SLC30A8: variants seen among roughly 807,000 people sequenced by gnomAD.
The protein encoded by SLC30A8 is solute carrier family 30 member 8, also known as proton-coupled zinc antiporter SLC30A8.
SLC30A8 carries 27 observed loss-of-function variants against 36.9 expected under a neutral mutation model. The observed-to-expected ratio is 0.73, with a 90% CI of 0.54 to 1.01. SLC30A8 has a LOEUF of 1.01. Ranked by LOEUF, SLC30A8 falls within the 50% of genes least tolerant of loss-of-function variation. The pLI is 0.00. For synonymous variants in SLC30A8, 164 were observed against 172.4 expected, an observed-to-expected ratio of 0.95 and a Z score of 0.38; for missense variants, 439 against 452.0, an observed-to-expected ratio of 0.97 and a Z score of 0.26.
At chr8:117,007,377 A>G (rs1467161778) in intron 1 of SLC30A8, among the ~76,000 whole-genome samples, 1 of 152,178 alleles carries the variant, frequency 6.6e-6, no homozygotes, top group Non-Finnish European at 1.5e-5. Flanking sequence ...TTTTCCTCTC[A>G]TATTGTTTTT....
chr8:116,987,078 G>A (rs1815470469), intron 1 of SLC30A8, among the ~76,000 whole-genome samples: 1 of 151,544 alleles, frequency 6.6e-6, no homozygotes, highest in South Asian at 2.1e-4. Flanking sequence ...AGAAAAATCA[G>A]TTTTCAGACT....
Position 116,957,066 on chromosome 8 carries a change from A to G in SLC30A8, c.-266+5947A>G, listed in dbSNP as rs77944173. On this transcript the variant is annotated intron_variant, in intron 1 of 10. Coordinates refer to the SLC30A8 transcript ENST00000427715. ...TATCATCTGTACAGCATAATTAAGA[A>G]AGACCCTGTCAGGGTACAGATGGTC... is the stretch of plus-strand genomic sequence containing the variant. Among the ~76,000 whole-genome samples, 174 of 152,278 alleles carry G rather than the reference A, an allele frequency of 1.1e-3. 2 individuals carry two copies. The East Asian group carries it at 0.031, about 27-fold the overall frequency.
At chr8:117,025,999 A>G (rs965350012) in intron 1 of SLC30A8, among the ~76,000 whole-genome samples, 1 of 152,116 alleles carries the variant, frequency 6.6e-6, no homozygotes. Context: ...GTGATGGTGC[A>G]TTTGTTCGTA....
At chr8:116,975,126 CAT>C (rs1409473528) in intron 1 of SLC30A8, among the ~76,000 whole-genome samples, 1 of 151,988 alleles carries the variant, frequency 6.6e-6, no homozygotes, top group South Asian at 2.1e-4. Flanking sequence ...CAACATGGCA[CAT>C]GTGTACATAT....
At chr8:117,113,242 T>C (rs1464647813) in intron 2 of SLC30A8, among the ~76,000 whole-genome samples, 1 of 152,172 alleles carries the variant, frequency 6.6e-6, no homozygotes, top group Non-Finnish European at 1.5e-5. Flanking sequence ...AGCAGACTTA[T>C]GTCATGGTGA....
intron 1 of SLC30A8, among the ~76,000 whole-genome samples, chr8:116,956,956 A>C (rs993079727): frequency 2.0e-5 from 3 of 152,222 alleles, no homozygotes; most frequent in African/African-American, 7.2e-5. Flanking sequence ...TTTTCATTTA[A>C]TAAGTGACAT....
chr8:116,968,808 C>T (rs1305332543), intron 1 of SLC30A8, among the ~76,000 whole-genome samples: 1 of 152,102 alleles, frequency 6.6e-6, no homozygotes, highest in Non-Finnish European at 1.5e-5. Context: ...ACGATCTCAG[C>T]TCACTGCAAT....
rs1412581513 is a variant in SLC30A8, at chr8:117,097,618, AAT to A, written c.-225-37655_-225-37654del. The stretch of plus-strand genomic sequence containing the variant: ...TTATATATAATATATAATTTTAAAT[AAT>A]ATATATTATATATAATATATAATTT... On this transcript the variant is annotated intron_variant, in intron 2 of 10. Transcript: ENST00000427715. Among the ~76,000 whole-genome samples the A allele has an allele frequency of 3.5e-4, 33 of 95,184 alleles. 5 individuals are homozygous for A. Among genetic ancestry groups the A allele is most frequent in the African/African-American group, 1.6e-3 (31 of 19,980 alleles). 62.4% of individuals were successfully genotyped at this position (95,184 alleles called of 152,430 possible). A position where few individuals can be genotyped will look rare whatever the true frequency, so the allele number is the denominator to read the frequency against.
At chr8:117,060,207 ATAG>A (rs1167178597) in intron 2 of SLC30A8, among the ~76,000 whole-genome samples, 1 of 151,854 alleles carries the variant, frequency 6.6e-6, no homozygotes, top group Non-Finnish European at 1.5e-5. Flanking sequence ...AGCTCAGGAG[ATAG>A]TGGTAGAATA....
chr8:116,951,447 CCTT>C (rs1813987929), intron 1 of SLC30A8, among the ~76,000 whole-genome samples: 1 of 152,158 alleles, frequency 6.6e-6, no homozygotes, highest in Non-Finnish European at 1.5e-5. Context: ...CTCCTCCCAA[CCTT>C]CTCTTGGCTA....
At chr8:117,148,087 T>C (rs1821986206) in intron 2 of SLC30A8, among the ~76,000 whole-genome samples, 1 of 152,090 alleles carries the variant, frequency 6.6e-6, no homozygotes, top group Non-Finnish European at 1.5e-5. Context: ...ATGTTTATTT[T>C]GACTTAGAGA....
At chr8:117,066,279 G>A (rs558519153) in intron 2 of SLC30A8, among the ~76,000 whole-genome samples, 2 of 152,262 alleles carry the variant, frequency 1.3e-5, no homozygotes, top group African/African-American at 4.8e-5. Flanking sequence ...GTTGTTTTGT[G>A]TTCAGTCCAA....
At chr8:116,973,048 G>T (rs867611251) in intron 1 of SLC30A8, among the ~76,000 whole-genome samples, 1 of 152,092 alleles carries the variant, frequency 6.6e-6, no homozygotes, top group Non-Finnish European at 1.5e-5. Flanking sequence ...AATGGGATTC[G>T]TTCTCTTATA....
chr8:117,022,463 A>G (rs1189989109), intron 1 of SLC30A8, among the ~76,000 whole-genome samples: 2 of 152,236 alleles, frequency 1.3e-5, no homozygotes, highest in African/African-American at 4.8e-5. Flanking sequence ...CTTATAAACC[A>G]GAGATCACTA....
At chr8:116,969,689 C>T (rs1051171065) in intron 1 of SLC30A8, among the ~76,000 whole-genome samples, 2 of 152,142 alleles carry the variant, frequency 1.3e-5, no homozygotes, top group African/African-American at 2.4e-5. Context: ...CTGCCTGTTA[C>T]TGTACTGAAT....
chr8:117,006,983 T>TTC (rs1491364013), intron 1 of SLC30A8: 1 of 63,388 alleles, frequency 1.6e-5, no homozygotes, highest in East Asian at 4.3e-4. Context: ...TTTTTTTTTT[T>TTC]TCTGTAGAGA....
intron 3 of SLC30A8, among the ~76,000 whole-genome samples, chr8:117,157,391 A>C (rs1463157692): frequency 6.6e-6 from 1 of 152,182 alleles, no homozygotes; most frequent in African/African-American, 2.4e-5. Flanking sequence ...TTAAATTAAG[A>C]TCCCCAAGGA....
chr8:117,046,743 C>T (rs1817564059), intron 2 of SLC30A8, among the ~76,000 whole-genome samples: 1 of 152,192 alleles, frequency 6.6e-6, no homozygotes, highest in Admixed American at 6.5e-5. Flanking sequence ...TGCATGTCTG[C>T]TTTGTCTGCC....
intron 1 of SLC30A8, among the ~76,000 whole-genome samples, chr8:117,000,630 G>C (rs1360196591): frequency 6.6e-6 from 1 of 151,884 alleles, no homozygotes; most frequent in Non-Finnish European, 1.5e-5. Context: ...CAAATGTTAA[G>C]ACAGAAAAAA....
Sources: allele counts gnomAD v4.1 joint callset (sites outside exome capture counted in the v4.1 genomes callset), GRCh38; gene constraint gnomAD v4.1.1; transcripts MANE v1.5; gene names NCBI Gene and HGNC (gene_info 2026-07-23, HGNC 2026-07-21).